SLC8A1: variants seen among roughly 807,000 people sequenced by gnomAD.
SLC8A1 encodes the protein solute carrier family 8 member A1.
In SLC8A1, 18 loss-of-function variants were observed where a neutral mutation model predicts 68.3. That is an observed-to-expected ratio of 0.26 (90% CI 0.18 to 0.39). The LOEUF (loss-of-function observed/expected upper bound fraction) is 0.39. Among genes scored for constraint, SLC8A1 ranks in the 10% least tolerant of loss-of-function variants. The pLI is 1.00. For missense variants in SLC8A1, 985 were observed against 1,156.7 expected (o/e 0.85, Z 2.15); for synonymous variants, 475 against 415.5 (o/e 1.14, Z -1.74).
At chr2:40,272,658 A>G (rs1260239152) in intron 2 of SLC8A1, among the ~76,000 whole-genome samples, 1 of 152,234 alleles carries the variant, frequency 6.6e-6, no homozygotes, top group Non-Finnish European at 1.5e-5. Flanking sequence ...ACACAGTTCG[A>G]GTTCCCAGGC....
intron 2 of SLC8A1, among the ~76,000 whole-genome samples, chr2:40,329,485 C>G (rs1265863455): frequency 6.6e-6 from 1 of 152,146 alleles, no homozygotes; most frequent in East Asian, 1.9e-4. Context: ...AGATCTCTTG[C>G]TAAACCTGAA....
chr2:40,220,677 G>T (rs2058194787), intron 2 of SLC8A1, among the ~76,000 whole-genome samples: 2 of 152,110 alleles, frequency 1.3e-5, no homozygotes, highest in South Asian at 4.1e-4. Flanking sequence ...GCATGGATGT[G>T]GGGGTGGTGA....
At chr2:40,132,162 G>A (rs918048) in intron 7 of SLC8A1, among the ~76,000 whole-genome samples, 141,382 of 152,110 alleles carry the variant, frequency 0.93, 66,611 homozygotes, top group East Asian at 1. Flanking sequence ...AAACGTTTGT[G>A]AGGCATATGG....
exon 2 of SLC8A1, chr2:40,428,641 G>A (rs750207004): frequency 2.5e-6 from 4 of 1,613,758 alleles, no homozygotes; most frequent in East Asian, 4.5e-5. Context: ...ACTCACATGA[G>A]TCACAGGTTC....
chr2:40,393,618 A>C (rs1166957571), intron 2 of SLC8A1, among the ~76,000 whole-genome samples: 10 of 152,160 alleles, frequency 6.6e-5, no homozygotes, highest in African/African-American at 1.9e-4. Context: ...ATATAAACCC[A>C]TATGAGGGTG....
intron 7 of SLC8A1, 129 bp from the exon 11 acceptor site, chr2:40,115,758 G>C (rs1209109862): frequency 2.4e-6 from 3 of 1,233,874 alleles, no homozygotes; most frequent in Non-Finnish European, 3.3e-6. Flanking sequence ...AAATGGCTTT[G>C]ATGTTCCTCT....
At chr2:40,135,835 G>A (rs546059139) in intron 7 of SLC8A1, among the ~76,000 whole-genome samples, 3 of 152,222 alleles carry the variant, frequency 2.0e-5, no homozygotes, top group Non-Finnish European at 4.4e-5. Flanking sequence ...AGAAAGGCAA[G>A]ATGTGGAAAG....
At chr2:40,173,572 C>T (rs369430539) in intron 4 of SLC8A1, among the ~76,000 whole-genome samples, 3 of 152,302 alleles carry the variant, frequency 2.0e-5, no homozygotes, top group East Asian at 1.9e-4. Context: ...AATTCTACTT[C>T]GGACAGAATC....
chr2:40,263,214 T>G (rs1453366828), intron 2 of SLC8A1, among the ~76,000 whole-genome samples: 2 of 152,240 alleles, frequency 1.3e-5, no homozygotes, highest in Admixed American at 1.3e-4. Flanking sequence ...AAGCCTCAGC[T>G]TCACCTGCAG....
At chr2:40,328,729 C>A (rs1289897001) in intron 2 of SLC8A1, among the ~76,000 whole-genome samples, 2 of 152,178 alleles carry the variant, frequency 1.3e-5, no homozygotes, top group East Asian at 1.9e-4. Context: ...ATAGCTCACA[C>A]TGAATCAGTT....
chr2:40,460,108 A>T (rs1054592336), intron 1 of SLC8A1, among the ~76,000 whole-genome samples: 11 of 152,102 alleles, frequency 7.2e-5, no homozygotes, highest in Non-Finnish European at 1.3e-4. Flanking sequence ...GCAGATTACA[A>T]CTCATATACT....
intron 2 of SLC8A1, among the ~76,000 whole-genome samples, chr2:40,248,933 G>A (rs1488242376): frequency 6.6e-6 from 1 of 152,100 alleles, no homozygotes; most frequent in Non-Finnish European, 1.5e-5. Context: ...TCTTCACCTC[G>A]TGATGTCTTT....
chr2:40,379,102 T>C (rs1680888801), intron 2 of SLC8A1, among the ~76,000 whole-genome samples: 2 of 152,158 alleles, frequency 1.3e-5, no homozygotes, highest in African/African-American at 2.4e-5. Flanking sequence ...GCCATTTTAA[T>C]AATTTTTTAG....
exon 8 of SLC8A1, chr2:40,115,285 G>C: frequency 1.2e-6 from 2 of 1,613,326 alleles, no homozygotes; most frequent in Non-Finnish European, 1.7e-6. Flanking sequence ...TAGGCCTCCA[G>C]GGAGGAGAAG....
intron 7 of SLC8A1, chr2:40,118,652 A>T (rs988708131): frequency 3.1e-5 from 4 of 129,390 alleles, no homozygotes; most frequent in Non-Finnish European, 6.4e-5. Context: ...CAGGCAGTGG[A>T]ACATGGAAAG....
chr2:40,226,512 A>C (rs1034499983), intron 2 of SLC8A1, among the ~76,000 whole-genome samples: 1 of 152,148 alleles, frequency 6.6e-6, no homozygotes, highest in African/African-American at 2.4e-5. Context: ...TTCTGTACAC[A>C]GATCTTGCCT....
intron 2 of SLC8A1, among the ~76,000 whole-genome samples, chr2:40,393,641 C>A (rs1685998660): frequency 1.3e-5 from 2 of 152,016 alleles, no homozygotes; most frequent in African/African-American, 4.8e-5. Context: ...CCCAGCAAAA[C>A]TAATTAGGGG....
intron 2 of SLC8A1, among the ~76,000 whole-genome samples, chr2:40,281,692 G>C (rs2067550878): frequency 1.3e-5 from 2 of 152,252 alleles, no homozygotes; most frequent in Non-Finnish European, 2.9e-5. Context: ...AGCTGGGAAT[G>C]TCTGGAAAGA....
chr2:40,286,974 G>C (rs947732810), intron 2 of SLC8A1, among the ~76,000 whole-genome samples: 5 of 152,182 alleles, frequency 3.3e-5, no homozygotes, highest in Non-Finnish European at 7.3e-5. Flanking sequence ...TTGAGACATG[G>C]AGTTAGGCTT....
Sources: gnomAD v4.1 joint callset for allele counts (sites outside exome capture counted in the v4.1 genomes callset) on GRCh38, gnomAD v4.1.1 for gene constraint, MANE v1.5 for transcripts, NCBI Gene and HGNC (gene_info 2026-07-23, HGNC 2026-07-21) for gene names.